Variants in DAPK1 observed in about 807,000 individuals in gnomAD.
DAPK1 encodes the protein death associated protein kinase 1.
Under a neutral mutation model 144.9 loss-of-function variants are expected in DAPK1, and 56 were observed. The observed-to-expected ratio is 0.39, with a 90% CI of 0.31 to 0.48. The LOEUF is 0.48. DAPK1 is among the 20% of genes least tolerant of loss of function. DAPK1 has a pLI of 0.95. For missense variants in DAPK1, 1,454 were observed against 1,875.4 expected (o/e 0.78, Z 4.15); for synonymous variants, 690 against 749.0 (o/e 0.92, Z 1.29).
At chr9:87,670,584 C>T (rs976043780) in intron 19 of DAPK1, among the ~76,000 whole-genome samples, 5 of 152,182 alleles carry the variant, frequency 3.3e-5, no homozygotes, top group Admixed American at 6.5e-5. Context: ...TGCAAACCCA[C>T]CTGCAGCACC....
At chr9:87,529,152 T>G (rs75883793) in intron 2 of DAPK1, among the ~76,000 whole-genome samples, 1 of 152,134 alleles carries the variant, frequency 6.6e-6, no homozygotes, top group Non-Finnish European at 1.5e-5. Context: ...CAAGTCAAAA[T>G]GTTAAACCGC....
At chr9:87,585,829 G>A (rs1827926969) in intron 2 of DAPK1, among the ~76,000 whole-genome samples, 1 of 152,198 alleles carries the variant, frequency 6.6e-6, no homozygotes, top group Non-Finnish European at 1.5e-5. Context: ...TGTGTGTAAA[G>A]CACACACTGG....
At chr9:87,566,167 C>T (rs1587724506) in intron 2 of DAPK1, among the ~76,000 whole-genome samples, 1 of 152,114 alleles carries the variant, frequency 6.6e-6, no homozygotes, top group Non-Finnish European at 1.5e-5. Flanking sequence ...ACTACAGTCG[C>T]CCGCCACCAT....
Position 87,686,705 on chromosome 9 carries a change from C to T in DAPK1, c.2379C>T (p.Thr793=), listed in dbSNP as rs774272548. The T allele has an allele frequency of 6.2e-7, 1 of 1,612,954 alleles. No homozygotes were observed. Among genetic ancestry groups the T allele is most frequent in the African/African-American group, 1.3e-5 (1 of 74,886 alleles). ...ACTGCTCGGCCGATGACCAGTCCAC[C>T]AAGGCCATCGACATCCAGAACGCTT... ...HPHCSADDQS[T]KAIDIQNAYL... is the part of the protein sequence containing the mutation. Residue 793 remains threonine (T), a synonymous_variant, in exon 21 of 26, where the codon ACC becomes ACT. Coordinates refer to ENST00000408954, the MANE Select transcript of DAPK1 (RefSeq NM_004938.4). This position sits in a 1 kb window ranked among gnomAD's most constrained non-coding sequence, Gnocchi z 4.2.
chr9:87,707,109 T>A lies in DAPK1; in HGVS notation c.4038T>A (p.Ser1346Arg). The change falls in exon 26 of 26, where the codon AGT (serine) becomes AGA (arginine). Residue 1346 changes from serine to arginine, a missense_variant. Physicochemically the swap from Ser to Arg is moderately radical, Grantham distance 110 (BLOSUM62 -1). This residue lies in a region of DAPK1 where 1,025 missense variants were observed against 1,237.9 expected (regional missense o/e 0.83). Transcript: ENST00000408954. The surrounding 1 kb of genome is among the most constrained non-coding windows in gnomAD (Gnocchi z 4.0). Reference sequence around the variant, plus strand: ...ACCTCGTGGCAAAGTACAACACCAGTAACGGGGCTCCCAAGGATTTCCTCC... The same window carrying A: ...ACCTCGTGGCAAAGTACAACACCAGAAACGGGGCTCCCAAGGATTTCCTCC... Reference protein sequence around the residue: ...LPDLVAKYNTSNGAPKDFLPS... With the variant: ...LPDLVAKYNTRNGAPKDFLPS... 1 of 1,613,920 alleles carries A rather than the reference T, an allele frequency of 6.2e-7. No homozygotes were observed. Among genetic ancestry groups the A allele is most frequent in the Non-Finnish European group, 8.5e-7 (1 of 1,179,878 alleles).
chr9:87,658,044 C>A lies in DAPK1; in HGVS notation c.1840C>A (p.Leu614Met). 1 of 1,463,964 alleles carries A rather than the reference C, an allele frequency of 6.8e-7. No individual in the cohort carries two copies. The highest frequency in any genetic ancestry group is 9.6e-7 in the Non-Finnish European group (1 of 1,043,900). 90.7% of individuals were successfully genotyped at this position (1,463,964 alleles called of 1,614,324 possible). Residue 614 changes from leucine (L) to methionine (M), a missense_variant, in exon 18 of 26, where the codon CTG (leucine) becomes ATG (methionine). By Grantham distance (15) the Leu-to-Met change is conservative. Coordinates refer to ENST00000408954, the MANE Select transcript of DAPK1 (RefSeq NM_004938.4). ...CTCTTCCCAGTATGGGCGAACGCCTCTGCACCTTGCGGCCAACAACGGAAT... is the reference window on the plus strand; with the variant it reads ...CTCTTCCCAGTATGGGCGAACGCCTATGCACCTTGCGGCCAACAACGGAAT... ...DISNKYGRTPLHLAANNGILD... is the reference protein window; with the variant it reads ...DISNKYGRTPMHLAANNGILD...
chr9:87,683,656 G>A (rs1476157442), intron 20 of DAPK1, among the ~76,000 whole-genome samples: 1 of 152,186 alleles, frequency 6.6e-6, no homozygotes, highest in Non-Finnish European at 1.5e-5. Flanking sequence ...AGGTATCCAT[G>A]GCCTTGCTTC....
At chr9:87,509,253 C>T (rs1824736533) in intron 2 of DAPK1, among the ~76,000 whole-genome samples, 3 of 152,232 alleles carry the variant, frequency 2.0e-5, no homozygotes, top group African/African-American at 7.2e-5. Flanking sequence ...GAAGAGCTGT[C>T]CTTAGGAATT....
intron 3 of DAPK1, among the ~76,000 whole-genome samples, chr9:87,631,258 T>C (rs1829682025): frequency 6.6e-6 from 1 of 152,204 alleles, no homozygotes; most frequent in African/African-American, 2.4e-5. Flanking sequence ...CAAGTCTTGT[T>C]ATATTTTGGG....
At chr9:87,508,554 G>A (rs1028829802) in intron 2 of DAPK1, among the ~76,000 whole-genome samples, 1 of 151,942 alleles carries the variant, frequency 6.6e-6, no homozygotes, top group Non-Finnish European at 1.5e-5. Context: ...GTGTTAGCCA[G>A]GATGGTCTCT....
At position 87,707,974 on chromosome 9, in the gene DAPK1, C is replaced by A. The variant is rs1825700595; in HGVS notation, c.*610C>A. The A allele has an allele frequency of 4.6e-6, 2 of 433,860 alleles. No homozygotes were observed. Among genetic ancestry groups the A allele is most frequent in the Non-Finnish European group, 9.2e-6 (2 of 217,544 alleles). 26.9% of individuals were successfully genotyped at this position (433,860 alleles called of 1,614,324 possible). On this transcript the variant is annotated 3_prime_UTR_variant, in exon 26 of 26. Coordinates refer to ENST00000408954, the MANE Select transcript of DAPK1 (RefSeq NM_004938.4). The surrounding 1 kb of genome is among the most constrained non-coding windows in gnomAD (Gnocchi z 4.0). ...ACCAAGGAAACGCTACCTCTCTGTC[C>A]CTTGCTGTATGCTGATCATCGCCAG...
chr9:87,695,604 T>C (rs1825228967), intron 21 of DAPK1, among the ~76,000 whole-genome samples: 3 of 152,158 alleles, frequency 2.0e-5, no homozygotes, highest in Non-Finnish European at 4.4e-5. Context: ...TGACCCCTGC[T>C]TGACACTTTC....
At chr9:87,528,509 C>T (rs552182321) in intron 2 of DAPK1, among the ~76,000 whole-genome samples, 3 of 152,150 alleles carry the variant, frequency 2.0e-5, no homozygotes, top group Non-Finnish European at 2.9e-5. Context: ...TGAGCCACCA[C>T]GCCCGGCCTA....
chr9:87,695,042 G>C (rs999950799), intron 21 of DAPK1, among the ~76,000 whole-genome samples: 2 of 151,760 alleles, frequency 1.3e-5, no homozygotes, highest in African/African-American at 4.9e-5. Context: ...TCTCTTAAAA[G>C]TTGGGCTTCC....
At chr9:87,636,176 G>T (rs904153753) in intron 3 of DAPK1, among the ~76,000 whole-genome samples, 4 of 152,192 alleles carry the variant, frequency 2.6e-5, no homozygotes, top group African/African-American at 9.7e-5. Flanking sequence ...TGCAGGGAAG[G>T]GTCAGGAGGA....
intron 18 of DAPK1, among the ~76,000 whole-genome samples, chr9:87,666,492 G>A (rs976932811): frequency 1.3e-5 from 1 of 78,732 alleles, no homozygotes; most frequent in Non-Finnish European, 2.7e-5. Context: ...TTTTTTTTTT[G>A]AGATGGAGTC....
At chr9:87,674,032 C>G (rs1206130531) in intron 19 of DAPK1, among the ~76,000 whole-genome samples, 1 of 152,200 alleles carries the variant, frequency 6.6e-6, no homozygotes, top group East Asian at 1.9e-4. Flanking sequence ...AGGAGGGACC[C>G]CTTCTATGGG....
intron 2 of DAPK1, among the ~76,000 whole-genome samples, chr9:87,580,549 C>A (rs1464603716): frequency 1.3e-5 from 2 of 152,178 alleles, no homozygotes; most frequent in South Asian, 2.1e-4. Flanking sequence ...GTAATGAATT[C>A]TATCCTTTAT....
chr9:87,700,304 G>A, intron 24 of DAPK1, 67 bp downstream of exon 24: 1 of 1,309,790 alleles, frequency 7.6e-7, no homozygotes. Context: ...CTGGTTTCAG[G>A]GAACTGCTTC....
Sources: allele counts gnomAD v4.1 joint callset (sites outside exome capture counted in the v4.1 genomes callset), GRCh38; gene constraint gnomAD v4.1.1; regional missense constraint gnomAD v4.1.1; non-coding constraint Gnocchi (gnomAD v3.1); transcripts MANE v1.5; gene names NCBI Gene and HGNC (gene_info 2026-07-23, HGNC 2026-07-21).